Variants in RNF115 observed in about 807,000 individuals in gnomAD.
RNF115 encodes ring finger protein 115.
RNF115 carries 31 observed loss-of-function variants against 39.2 expected under a neutral mutation model. That is an observed-to-expected ratio of 0.79 (90% confidence interval 0.59 to 1.07). RNF115 has a LOEUF of 1.07. RNF115 is among the 50% of genes least tolerant of loss of function. The pLI, the probability that RNF115 is intolerant of heterozygous loss-of-function variation, is 0.00. For synonymous variants in RNF115, 124 were observed against 131.0 expected (o/e 0.95, Z 0.37); for missense variants, 384 against 381.7 (o/e 1.01, Z -0.05).
chr1:145,789,000 T>A, intron 1 of RNF115, 34 bp from the exon 2 acceptor site: 1 of 1,394,408 alleles, frequency 7.2e-7, no homozygotes, highest in African/African-American at 1.4e-5. Context: ...ATAAAACTTT[T>A]TCATTAGAAA....
chr1:145,746,246 AT>A lies in RNF115; in HGVS notation c.*619del, dbSNP rs1657876012. The A allele has an allele frequency of 6.6e-6, 1 of 152,022 alleles. No individual in the cohort carries two copies. The highest frequency in any genetic ancestry group is 6.6e-5 in the Admixed American group (1 of 15,256). 9.4% of individuals were successfully genotyped at this position (152,022 alleles called of 1,614,324 possible). On this transcript the variant is annotated 3_prime_UTR_variant, in exon 9 of 9. Transcript: ENST00000582693. Reference sequence around the variant, plus strand: ...ATCTCAAAAAAAAAAAACAAAAAAAATTAAAATAAGAAAACCAAAGCACACA... The same window carrying A: ...ATCTCAAAAAAAAAAAACAAAAAAAATAAAATAAGAAAACCAAAGCACACA...
intron 1 of RNF115, among the ~76,000 whole-genome samples, chr1:145,794,455 C>A (rs1216351385): frequency 1.3e-5 from 2 of 150,184 alleles, no homozygotes; most frequent in Admixed American, 1.3e-4. Context: ...GTAACTAGAA[C>A]ACTATTTCCC....
intron 3 of RNF115, among the ~76,000 whole-genome samples, chr1:145,777,642 T>C (rs1330706989): frequency 6.6e-6 from 1 of 151,862 alleles, no homozygotes; most frequent in Admixed American, 6.6e-5. Flanking sequence ...ACAACAAAAC[T>C]GGGTATTCAG....
chr1:145,767,492 G>C (rs1647390622), intron 4 of RNF115, among the ~76,000 whole-genome samples: 1 of 151,580 alleles, frequency 6.6e-6, no homozygotes, highest in Non-Finnish European at 1.5e-5. Flanking sequence ...TTCCAGACTG[G>C]GCAGCCAGGC....
intron 5 of RNF115, among the ~76,000 whole-genome samples, chr1:145,751,794 GGTTTCAAAAATTTGT>G (rs1469192956): frequency 2.6e-5 from 4 of 152,106 alleles, no homozygotes; most frequent in African/African-American, 4.8e-5. Flanking sequence ...ATTGCCTGTT[GGTTTCAAAAATTTGT>G]GTTTTCTGTG....
chr1:145,802,543 T>C (rs983019250), intron 1 of RNF115, among the ~76,000 whole-genome samples: 1 of 152,238 alleles, frequency 6.6e-6, no homozygotes, highest in Admixed American at 6.5e-5. Flanking sequence ...CCAATACTTA[T>C]TCAGTACATC....
chr1:145,816,581 G>A (rs1382492924), intron 1 of RNF115, among the ~76,000 whole-genome samples: 6 of 100,284 alleles, frequency 6.0e-5, no homozygotes, highest in African/African-American at 1.9e-4. Context: ...ACCTAGTCCC[G>A]TTGAACACAA....
At chr1:145,773,680 C>A (rs1444118949) in intron 3 of RNF115, 1 of 152,182 alleles carries the variant, frequency 6.6e-6, no homozygotes, top group Non-Finnish European at 1.5e-5. Flanking sequence ...GAGCTGTGCA[C>A]TTGGCTTTCT....
At chr1:145,785,238 T>C (rs1174003706) in intron 2 of RNF115, among the ~76,000 whole-genome samples, 4 of 152,122 alleles carry the variant, frequency 2.6e-5, no homozygotes, top group Admixed American at 6.6e-5. Flanking sequence ...ATTTGCCACA[T>C]CCATTTCAAC....
chr1:145,770,061 G>C (rs782406567), intron 4 of RNF115, among the ~76,000 whole-genome samples: 1 of 152,118 alleles, frequency 6.6e-6, no homozygotes, highest in Non-Finnish European at 1.5e-5. Context: ...AAAGCAGCTT[G>C]AATAAAAACA....
At chr1:145,771,586 C>T in intron 4 of RNF115, 125 bp downstream of exon 4, 1 of 726,938 alleles carries the variant, frequency 1.4e-6, no homozygotes, top group South Asian at 1.9e-5. Context: ...TCACTTTCAT[C>T]CTTTCTACAT....
At chr1:145,770,712 C>A (rs1283040918) in intron 4 of RNF115, among the ~76,000 whole-genome samples, 1 of 152,156 alleles carries the variant, frequency 6.6e-6, no homozygotes, top group Non-Finnish European at 1.5e-5. Context: ...GCACCTATTA[C>A]TTCACACAAA....
chr1:145,808,330 TC>T (rs1433404130), intron 1 of RNF115, among the ~76,000 whole-genome samples: 1 of 152,190 alleles, frequency 6.6e-6, no homozygotes, highest in Non-Finnish European at 1.5e-5. Context: ...TTCCCTTTCT[TC>T]CACATTCTGG....
At chr1:145,819,945 C>T (rs201398652) in intron 1 of RNF115, among the ~76,000 whole-genome samples, 10,025 of 139,244 alleles carry the variant, frequency 0.072, no homozygotes, top group East Asian at 0.23. Context: ...GGCTGAGGCA[C>T]GAGAATCGCT....
At chr1:145,804,495 GCATGCACACA>G (rs1260921577) in intron 1 of RNF115, among the ~76,000 whole-genome samples, 1 of 80,454 alleles carries the variant, frequency 1.2e-5, no homozygotes, top group Non-Finnish European at 2.3e-5. Context: ...ATGCATGCAT[GCATGCACACA>G]CACACACACA....
intron 4 of RNF115, among the ~76,000 whole-genome samples, chr1:145,758,908 C>T (rs1039825425): frequency 6.6e-6 from 1 of 152,092 alleles, no homozygotes; most frequent in Admixed American, 6.5e-5. Flanking sequence ...AAAAAAAAAT[C>T]TTTTCTTGTT....
intron 1 of RNF115, among the ~76,000 whole-genome samples, chr1:145,797,621 C>G (rs1235329884): frequency 3.9e-5 from 6 of 152,200 alleles, no homozygotes; most frequent in Admixed American, 1.3e-4. Flanking sequence ...GCAAATATCT[C>G]TCTGAGGTCC....
chr1:145,743,803 T>A lies in RNF115; in HGVS notation c.*3063A>T, dbSNP rs1278798059. ...CTCAAAAAATAAATAAATAAATAAA[T>A]AAATAAATAAATAATAATAATAATA... On this transcript the variant is annotated 3_prime_UTR_variant, in exon 9 of 9. Coordinates refer to ENST00000582693, the MANE Select transcript of RNF115 (RefSeq NM_014455.4). The A allele has an allele frequency of 2.8e-5, 1 of 35,190 alleles. No individual in the cohort carries two copies. Among genetic ancestry groups the A allele is most frequent in the South Asian group, 1.9e-3 (1 of 534 alleles). 2.2% of individuals were successfully genotyped at this position (35,190 alleles called of 1,614,324 possible).
At chr1:145,767,883 G>C (rs894604842) in intron 4 of RNF115, among the ~76,000 whole-genome samples, 1 of 152,256 alleles carries the variant, frequency 6.6e-6, no homozygotes, top group Non-Finnish European at 1.5e-5. Flanking sequence ...TGAGGCAGGA[G>C]AATCAGGCAG....
Sources: gnomAD v4.1 joint callset for allele counts (sites outside exome capture counted in the v4.1 genomes callset) on GRCh38, gnomAD v4.1.1 for gene constraint, MANE v1.5 for transcripts, NCBI Gene and HGNC (gene_info 2026-07-23, HGNC 2026-07-21) for gene names.